DIP2A: variants seen among roughly 807,000 people sequenced by gnomAD.
DIP2A encodes the protein disco-interacting protein 2 homolog A.
In DIP2A, 85 loss-of-function variants were observed where a neutral mutation model predicts 177.4. The observed-to-expected ratio is 0.48, with a 90% confidence interval of 0.40 to 0.57. The LOEUF (loss-of-function observed/expected upper bound fraction) is 0.57, where lower values mean the gene tolerates loss of function less well. Among genes scored for constraint, DIP2A ranks in the 20% least tolerant of loss-of-function variants. The pLI is 0.00. For missense variants in DIP2A, 1,791 were observed against 2,100.2 expected (o/e 0.85, Z 2.88); for synonymous variants, 886 against 881.8 (o/e 1.00, Z -0.08).
chr21:46,534,854 T>G (rs929148373), intron 13 of DIP2A, among the ~76,000 whole-genome samples, 167 bp downstream of exon 13: 1 of 152,172 alleles, frequency 6.6e-6, no homozygotes. Context: ...TTTAGCATGC[T>G]TACAGGGTCT....
chr21:46,558,748 A>G (rs1275505698), intron 32 of DIP2A: 3 of 271,862 alleles, frequency 1.1e-5, no homozygotes, highest in Non-Finnish European at 1.4e-5. Flanking sequence ...TAAATGTGGT[A>G]ATTTGTGTTG....
In DIP2A at chr21:46,557,256, A is replaced by C; in HGVS notation, c.3629+187A>C. The stretch of plus-strand genomic sequence containing the variant: ...TTGAGTGAAAATACATTTTTCATTA[A>C]ATACACTGTCCGTTATCAGTACTTG... On this transcript the variant is annotated intron_variant, in intron 30 of 37. Coordinates refer to ENST00000417564, the MANE Select transcript of DIP2A (RefSeq NM_015151.4). The surrounding 1 kb of genome is among the most constrained non-coding windows in gnomAD (Gnocchi z 6.0). The C allele has an allele frequency of 1.5e-6, 1 of 678,618 alleles. No homozygotes were observed. The highest frequency in any genetic ancestry group is 2.0e-5 in the South Asian group (1 of 49,154). 42.0% of individuals were successfully genotyped at this position (678,618 alleles called of 1,614,324 possible).
At chr21:46,514,810 T>A (rs900812206) in intron 8 of DIP2A, among the ~76,000 whole-genome samples, 16 of 152,068 alleles carry the variant, frequency 1.1e-4, no homozygotes, top group African/African-American at 3.6e-4. Context: ...ACTGTCAGAT[T>A]AAGAACGTTC....
chr21:46,554,046 T>C, intron 25 of DIP2A, 123 bp from the exon 26 acceptor site: 6 of 1,311,746 alleles, frequency 4.6e-6, no homozygotes, highest in Non-Finnish European at 6.2e-6. Context: ...CACATTGTCA[T>C]TATCATGGAC....
At chr21:46,491,168 T>G (rs975844301) in intron 3 of DIP2A, among the ~76,000 whole-genome samples, 14 of 152,240 alleles carry the variant, frequency 9.2e-5, no homozygotes, top group African/African-American at 3.4e-4. Flanking sequence ...AGTGCTTTTA[T>G]GAATATTTAA....
At chr21:46,548,224 G>C (rs1233922923) in intron 21 of DIP2A, among the ~76,000 whole-genome samples, 1 of 152,090 alleles carries the variant, frequency 6.6e-6, no homozygotes, top group African/African-American at 2.4e-5. Flanking sequence ...GTGCGCCTGC[G>C]TGCAGGGGGA....
At chr21:46,503,880 G>A (rs2057833528) in intron 5 of DIP2A, among the ~76,000 whole-genome samples, 1 of 151,916 alleles carries the variant, frequency 6.6e-6, no homozygotes, top group African/African-American at 2.4e-5. Context: ...CATGTGCCAC[G>A]ACGCCCGGCT....
In DIP2A at chr21:46,566,568, GA is replaced by G. The variant is rs1569124225; in HGVS notation, c.4349del (p.Asp1450ValfsTer57). On this transcript the variant is annotated frameshift_variant, in exon 37 of 38. Transcript: ENST00000417564. LOFTEE classifies it high-confidence loss of function. ...ELTDASGGRH[D>X]ALYVVGSLDE... The stretch of plus-strand genomic sequence containing the variant: ...ACACACACTGTTCACAGGGCGGCAC[GA>G]TGCACTGTATGTGGTTGGGTCTCTG... 1 of 1,614,062 alleles carries G rather than the reference GA, an allele frequency of 6.2e-7. No individual in the cohort carries two copies. The highest frequency in any genetic ancestry group is 8.5e-7 in the Non-Finnish European group (1 of 1,179,942).
chr21:46,513,897 C>T (rs1181074000), intron 8 of DIP2A, among the ~76,000 whole-genome samples: 3 of 152,162 alleles, frequency 2.0e-5, no homozygotes, highest in East Asian at 1.9e-4. Context: ...TCAAGCATTT[C>T]GGATAAGGGA....
At chr21:46,516,960 C>A (rs2058610122) in intron 8 of DIP2A, among the ~76,000 whole-genome samples, 1 of 151,474 alleles carries the variant, frequency 6.6e-6, no homozygotes, top group Non-Finnish European at 1.5e-5. Context: ...GCCTTGAATA[C>A]ACACATTAAT....
At chr21:46,496,225 C>G (rs2057351953) in intron 3 of DIP2A, among the ~76,000 whole-genome samples, 1 of 152,012 alleles carries the variant, frequency 6.6e-6, no homozygotes, top group Admixed American at 6.6e-5. Context: ...ACATTTGTAT[C>G]TCCTCTCCCT....
chr21:46,546,152 C>T, intron 20 of DIP2A, 191 bp downstream of exon 20: 6 of 1,397,448 alleles, frequency 4.3e-6, no homozygotes, highest in Non-Finnish European at 5.6e-6. Flanking sequence ...GAGACTGGTG[C>T]ACAGTCCTGC....
chr21:46,577,908 G>C, the DIP2A span, among the ~76,000 whole-genome samples: 3 of 152,168 alleles, frequency 2.0e-5, no homozygotes, highest in Non-Finnish European at 4.4e-5. Flanking sequence ...GTAAATGGAA[G>C]TTCACTTAAG....
At chr21:46,459,734 C>CG (rs1308441007) in intron 1 of DIP2A, among the ~76,000 whole-genome samples, 3 of 151,864 alleles carry the variant, frequency 2.0e-5, no homozygotes, top group South Asian at 2.1e-4. Context: ...GACTCCTCCC[C>CG]CCAGGCCCTT....
intron 18 of DIP2A, among the ~76,000 whole-genome samples, chr21:46,542,842 G>A (rs1386546816): frequency 6.6e-6 from 1 of 152,238 alleles, no homozygotes; most frequent in African/African-American, 2.4e-5. Context: ...CACTGCGAGA[G>A]GCTCAGCGTC....
At chr21:46,492,685 A>G (rs1241080621) in intron 3 of DIP2A, among the ~76,000 whole-genome samples, 2 of 152,192 alleles carry the variant, frequency 1.3e-5, no homozygotes, top group Non-Finnish European at 2.9e-5. Flanking sequence ...GGCATTGGCC[A>G]GGCGTGGTTG....
chr21:46,506,676 A>G (rs2058000374), intron 6 of DIP2A, among the ~76,000 whole-genome samples: 1 of 150,284 alleles, frequency 6.7e-6, no homozygotes, highest in African/African-American at 2.5e-5. Context: ...CTTGAGGGAA[A>G]GTATCTGTTC....
chr21:46,479,705 T>C (rs2056194365), intron 1 of DIP2A, among the ~76,000 whole-genome samples: 1 of 152,156 alleles, frequency 6.6e-6, no homozygotes, highest in Non-Finnish European at 1.5e-5. Flanking sequence ...TGGTTTTTTT[T>C]CTTTTTTTGT....
chr21:46,513,899 G>C (rs1270862192), intron 8 of DIP2A, among the ~76,000 whole-genome samples: 15 of 152,098 alleles, frequency 9.9e-5, no homozygotes, highest in Admixed American at 9.8e-4. Flanking sequence ...AAGCATTTCG[G>C]ATAAGGGATA....
Sources: allele counts gnomAD v4.1 joint callset (sites outside exome capture counted in the v4.1 genomes callset), GRCh38; gene constraint gnomAD v4.1.1; non-coding constraint Gnocchi (gnomAD v3.1); transcripts MANE v1.5; gene names NCBI Gene and HGNC (gene_info 2026-07-23, HGNC 2026-07-21).